SYNPO2: variants seen among roughly 807,000 people sequenced by gnomAD.
SYNPO2 encodes synaptopodin-2.
In SYNPO2, 56 loss-of-function variants were observed where a neutral mutation model predicts 85.0. The ratio of observed to expected loss-of-function variants is 0.66; its 90% CI spans 0.53 to 0.82. SYNPO2 has a LOEUF of 0.82. Among genes scored for constraint, SYNPO2 ranks in the 40% least tolerant of loss-of-function variants. SYNPO2 has a pLI of 0.00. For missense variants in SYNPO2, 1,575 were observed against 1,534.2 expected (o/e 1.03, Z -0.44); for synonymous variants, 602 against 591.1 (o/e 1.02, Z -0.27).
At chr4:118,885,193 T>G (rs6818196), upstream of SYNPO2, among the ~76,000 whole-genome samples, 5,892 of 152,244 alleles carry the variant, frequency 0.039, 184 homozygotes, top group African/African-American at 0.086. Context: ...AAGAAGTAGG[T>G]AGTGGGAGGC....
At position 119,025,227 on chromosome 4, in the gene SYNPO2, C is replaced by T. The variant is rs146805942; in HGVS notation, c.258-1400C>T. On this transcript the variant is annotated intron_variant, in intron 2 of 4. Transcript: ENST00000307142. ...TCTCAGCTTCACAATTGATTGCTAA[C>T]GTTATTCAAAGTGATTTAATCTACT... Among the ~76,000 whole-genome samples, 843 of 152,242 alleles carry T rather than the reference C, an allele frequency of 5.5e-3. 11 individuals are homozygous for T. The highest frequency in any genetic ancestry group is 0.019 in the African/African-American group (794 of 41,548).
At chr4:118,904,622 T>A (rs1040340257) in intron 1 of SYNPO2, among the ~76,000 whole-genome samples, 2 of 152,180 alleles carry the variant, frequency 1.3e-5, no homozygotes, top group African/African-American at 2.4e-5. Flanking sequence ...GAGGATTTTG[T>A]TCCCTCCCCC....
intron 1 of SYNPO2, among the ~76,000 whole-genome samples, chr4:118,969,986 A>G (rs1294305028): frequency 6.6e-6 from 1 of 152,020 alleles, no homozygotes; most frequent in Non-Finnish European, 1.5e-5. Context: ...TTTCAATTAT[A>G]TTTTTCTATT....
intron 1 of SYNPO2, among the ~76,000 whole-genome samples, chr4:118,861,092 A>C (rs1272045626): frequency 2.0e-5 from 3 of 152,144 alleles, no homozygotes; most frequent in Non-Finnish European, 4.4e-5. Context: ...GGCATTACTT[A>C]AGAAATCTTT....
intron 4 of SYNPO2, chr4:119,033,290 G>A (rs938314773): frequency 2.1e-5 from 21 of 985,186 alleles, no homozygotes; most frequent in African/African-American, 3.5e-5. Flanking sequence ...CTTCTCCCAC[G>A]TTCCTTGCAA....
chr4:118,963,439 G>T (rs1735181554), intron 1 of SYNPO2, among the ~76,000 whole-genome samples: 1 of 152,178 alleles, frequency 6.6e-6, no homozygotes, highest in Admixed American at 6.5e-5. Flanking sequence ...AATAAGGAAA[G>T]CTTATGATGT....
intron 1 of SYNPO2, among the ~76,000 whole-genome samples, chr4:118,881,632 C>T (rs778495871): frequency 6.6e-6 from 1 of 152,184 alleles, no homozygotes; most frequent in Admixed American, 6.5e-5. Context: ...CGACTGCGAG[C>T]CTCTGTGGCA....
chr4:118,932,381 CAG>C (rs1733961798), intron 1 of SYNPO2, among the ~76,000 whole-genome samples: 1 of 152,150 alleles, frequency 6.6e-6, no homozygotes, highest in Admixed American at 6.5e-5. Context: ...AGAGTTACAG[CAG>C]AGTTTTGAGC....
chr4:118,943,920 G>T (rs1463771196), intron 1 of SYNPO2, among the ~76,000 whole-genome samples: 1 of 152,182 alleles, frequency 6.6e-6, no homozygotes, highest in Non-Finnish European at 1.5e-5. Context: ...AACGTTACTT[G>T]ACAGTTATGT....
intron 1 of SYNPO2, among the ~76,000 whole-genome samples, chr4:118,901,965 G>A (rs1299629530): frequency 6.6e-6 from 1 of 152,202 alleles, no homozygotes; most frequent in Non-Finnish European, 1.5e-5. Context: ...GTTGGGGGAA[G>A]AGCCTTCCAG....
At chr4:119,024,415 A>G (rs1411807805) in intron 2 of SYNPO2, among the ~76,000 whole-genome samples, 1 of 152,192 alleles carries the variant, frequency 6.6e-6, no homozygotes, top group Admixed American at 6.5e-5. Flanking sequence ...ATGAACCTCA[A>G]GGTCCTCCAG....
In SYNPO2 at chr4:119,057,540, C is replaced by G; in HGVS notation, c.3392C>G (p.Pro1131Arg). ...GAGAAAGCAAACAAGAGACCAACTCCTTGGGAAGCAGCAGCAAAGTCTCCT... is the reference window on the plus strand; with the variant it reads ...GAGAAAGCAAACAAGAGACCAACTCGTTGGGAAGCAGCAGCAAAGTCTCCT... The part of the protein sequence containing the change: ...GLEKANKRPT[P>R]WEAAAKSPLG... Residue 1131 changes from proline (P) to arginine (R), a missense_variant, in exon 5 of 5, where the codon CCT becomes CGT. By Grantham distance (103) the Pro-to-Arg change is moderately radical. Transcript: ENST00000307142. The G allele has an allele frequency of 6.2e-7, 1 of 1,614,094 alleles. No individual in the cohort carries two copies. The highest frequency in any genetic ancestry group is 1.3e-5 in the African/African-American group (1 of 75,018).
At chr4:118,893,654 T>A (rs954512555) in intron 1 of SYNPO2, among the ~76,000 whole-genome samples, 1 of 152,166 alleles carries the variant, frequency 6.6e-6, no homozygotes. Context: ...TACCCAACCT[T>A]GATTTCATTA....
chr4:118,931,927 T>C (rs926873974), intron 1 of SYNPO2, among the ~76,000 whole-genome samples: 2 of 152,172 alleles, frequency 1.3e-5, no homozygotes, highest in African/African-American at 4.8e-5. Flanking sequence ...ATTTGGTGAG[T>C]TACAGTTTTT....
At chr4:118,968,278 G>T (rs1735390954) in intron 1 of SYNPO2, among the ~76,000 whole-genome samples, 1 of 152,174 alleles carries the variant, frequency 6.6e-6, no homozygotes, top group Non-Finnish European at 1.5e-5. Context: ...CCTTGCACTT[G>T]CTAATGCCAA....
intron 1 of SYNPO2, among the ~76,000 whole-genome samples, chr4:119,007,253 C>CACATAT (rs1737093434): frequency 2.6e-5 from 1 of 38,146 alleles, no homozygotes; most frequent in Non-Finnish European, 4.8e-5. Flanking sequence ...TATGTATATA[C>CACATAT]ATATATATAT....
chr4:119,034,872 A>C, intron 4 of SYNPO2: 7 of 985,446 alleles, frequency 7.1e-6, no homozygotes, highest in Non-Finnish European at 7.2e-6. Context: ...GTACATTTTC[A>C]ATCTGAGTGT....
chr4:118,913,563 T>TTGTGTGTGTGTGTG (rs10686830), intron 1 of SYNPO2, among the ~76,000 whole-genome samples: 1 of 147,272 alleles, frequency 6.8e-6, no homozygotes, highest in Non-Finnish European at 1.5e-5. Context: ...CATTTATTGT[T>TTGTGTGTGTGTGTG]TGTGTGTGTG....
At chr4:118,853,082 T>C (rs1280065423) in intron 1 of SYNPO2, among the ~76,000 whole-genome samples, 1 of 152,052 alleles carries the variant, frequency 6.6e-6, no homozygotes, top group African/African-American at 2.4e-5. Context: ...AACACAAGAG[T>C]TTTTTTCTTT....
Sources: allele counts gnomAD v4.1 joint callset (sites outside exome capture counted in the v4.1 genomes callset), GRCh38; gene constraint gnomAD v4.1.1; transcripts MANE v1.5; gene names NCBI Gene and HGNC (gene_info 2026-07-23, HGNC 2026-07-21).